Variants in TRPS1 observed in about 807,000 individuals in gnomAD.
The protein encoded by TRPS1 is zinc finger transcription factor Trps1.
Under a neutral mutation model 101.2 loss-of-function variants are expected in TRPS1, and 6 were observed. That is an observed-to-expected ratio of 0.06 (90% CI 0.03 to 0.12). The LOEUF (loss-of-function observed/expected upper bound fraction) is 0.12. Among genes scored for constraint, TRPS1 ranks in the 10% least tolerant of loss-of-function variants. The pLI is 1.00. For synonymous variants in TRPS1, 578 were observed against 589.8 expected (o/e 0.98, Z 0.29); for missense variants, 1,363 against 1,567.0 (o/e 0.87, Z 2.20).
intron 5 of TRPS1, among the ~76,000 whole-genome samples, chr8:115,557,028 C>T (rs1229784061): frequency 6.6e-6 from 1 of 152,068 alleles, no homozygotes; most frequent in African/African-American, 2.4e-5. Flanking sequence ...AGAGGCCTCA[C>T]AATCAAGGTG....
At chr8:115,475,893 T>C (rs932942803) in intron 5 of TRPS1, among the ~76,000 whole-genome samples, 14 of 152,048 alleles carry the variant, frequency 9.2e-5, no homozygotes, top group Non-Finnish European at 1.9e-4. Context: ...TTCAATAAAC[T>C]TGAAGCACAG....
At chr8:115,627,168 G>A (rs1004485435) in intron 1 of TRPS1, among the ~76,000 whole-genome samples, 4 of 151,788 alleles carry the variant, frequency 2.6e-5, no homozygotes, top group South Asian at 2.1e-4. Flanking sequence ...AGCCTCAAAA[G>A]GCAAGGGGAA....
At chr8:115,549,998 C>A (rs1161721723) in intron 5 of TRPS1, among the ~76,000 whole-genome samples, 1 of 152,124 alleles carries the variant, frequency 6.6e-6, no homozygotes, top group East Asian at 1.9e-4. Context: ...GGTGGATCAC[C>A]TGAGGTCAGG....
intron 5 of TRPS1, among the ~76,000 whole-genome samples, chr8:115,420,211 T>C (rs1007304206): frequency 1.3e-5 from 2 of 152,254 alleles, no homozygotes; most frequent in East Asian, 1.9e-4. Context: ...CTCAATAACA[T>C]TGCAATAGCA....
In TRPS1 at chr8:115,414,252, T is replaced by C. The variant is rs1158784704; in HGVS notation, c.3656A>G (p.Asp1219Gly). 1.2e-6 allele frequency: 2 copies of C among 1,614,048 alleles called. No homozygotes were observed. Among genetic ancestry groups the C allele is most frequent in the Non-Finnish European group, 1.7e-6 (2 of 1,179,956 alleles). The change falls in exon 7 of 7, where the codon GAT (aspartate) becomes GGT (glycine). Residue 1219 changes from aspartate (D) to glycine (G), a missense_variant. By Grantham distance (94) the Asp-to-Gly change is moderately conservative (BLOSUM62 -1). Transcript: ENST00000395715. This position sits in a 1 kb window ranked among gnomAD's most constrained non-coding sequence, Gnocchi z 4.8. ...PLNVVKTEKV[D>G]RSTQDELSTK... Reference sequence around the variant, plus strand: ...TGAAAGTTCATCTTGAGTACTTCTATCAACTTTCTCTGTTTTTACTACATT... The same window carrying C: ...TGAAAGTTCATCTTGAGTACTTCTACCAACTTTCTCTGTTTTTACTACATT...
At position 115,460,778 on chromosome 8, in the gene TRPS1, C is replaced by T. The variant is rs74598754; in HGVS notation, c.2701-42326G>A. On this transcript the variant is annotated intron_variant, in intron 5 of 6. Transcript: ENST00000395715. ...CGACTAACCAAACTTTCCTCCTTGC[C>T]AAAACCTTTGTAGCATGCATTCATT... Among the ~76,000 whole-genome samples, 589 of 152,236 alleles carry T rather than the reference C, an allele frequency of 3.9e-3. 1 individual carries two copies. The highest frequency in any genetic ancestry group is 6.0e-3 in the Non-Finnish European group (406 of 67,992).
chr8:115,637,139 C>T, intron 1 of TRPS1: 2 of 562,010 alleles, frequency 3.6e-6, no homozygotes, highest in Non-Finnish European at 4.5e-6. Flanking sequence ...AAAGGGGATT[C>T]CAGCAAACAG....
chr8:115,525,897 A>T (rs181776155), intron 5 of TRPS1, among the ~76,000 whole-genome samples: 119 of 152,328 alleles, frequency 7.8e-4, no homozygotes, highest in African/African-American at 2.7e-3. Context: ...CAATGGAAAT[A>T]ATTTAAAAGA....
At chr8:115,539,082 A>C (rs1816390364) in intron 5 of TRPS1, among the ~76,000 whole-genome samples, 1 of 152,158 alleles carries the variant, frequency 6.6e-6, no homozygotes, top group Admixed American at 6.6e-5. Flanking sequence ...TGTAAAAACA[A>C]CTCTACTTCC....
chr8:115,498,415 C>CTCTCTCTATA (rs1486361297), intron 5 of TRPS1, among the ~76,000 whole-genome samples: 21 of 39,312 alleles, frequency 5.3e-4, no homozygotes, highest in Non-Finnish European at 6.2e-4. Flanking sequence ...CTCTCTCTCT[C>CTCTCTCTATA]TATATATATA....
At chr8:115,628,972 G>A (rs1328055798) in intron 1 of TRPS1, among the ~76,000 whole-genome samples, 2 of 151,846 alleles carry the variant, frequency 1.3e-5, no homozygotes, top group African/African-American at 4.8e-5. Context: ...TGGAGAGGGT[G>A]ACGTGTGTCC....
chr8:115,623,578 A>G, intron 2 of TRPS1, 23 bp downstream of exon 2: 1 of 1,611,320 alleles, frequency 6.2e-7, no homozygotes, highest in South Asian at 1.1e-5. Context: ...TAACATTTTC[A>G]CTTGAAAAAA....
chr8:115,466,907 T>TA (rs901436642), intron 5 of TRPS1, among the ~76,000 whole-genome samples: 125 of 146,022 alleles, frequency 8.6e-4, no homozygotes, highest in Admixed American at 8.9e-4. Context: ...ATTTTGCCAT[T>TA]AAAAAAAAAA....
chr8:115,551,825 A>G (rs1816712406), intron 5 of TRPS1, among the ~76,000 whole-genome samples: 1 of 152,234 alleles, frequency 6.6e-6, no homozygotes, highest in African/African-American at 2.4e-5. Flanking sequence ...ATTGGGGAGA[A>G]TACATTTGCA....
chr8:115,620,783 T>C (rs1004256892), intron 2 of TRPS1, among the ~76,000 whole-genome samples: 1 of 152,222 alleles, frequency 6.6e-6, no homozygotes, highest in Non-Finnish European at 1.5e-5. Flanking sequence ...AGACCTGCTA[T>C]GCATCACAGT....
At chr8:115,498,401 CTCTCTCTCTCTCTCTATATATATA>C (rs1474555757) in intron 5 of TRPS1, among the ~76,000 whole-genome samples, 33 of 85,436 alleles carry the variant, frequency 3.9e-4, no homozygotes, top group South Asian at 1.4e-3. Context: ...CTCTCTCTCT[CTCTCTCTCTCTCTCTATATATATA>C]TATATATATA....
At chr8:115,526,163 G>A (rs571547261) in intron 5 of TRPS1, among the ~76,000 whole-genome samples, 1 of 152,088 alleles carries the variant, frequency 6.6e-6, no homozygotes, top group African/African-American at 2.4e-5. Context: ...ACAAAAATTA[G>A]TCAGGTGTGG....
chr8:115,578,801 C>T (rs1315936425), intron 5 of TRPS1, among the ~76,000 whole-genome samples: 1 of 152,120 alleles, frequency 6.6e-6, no homozygotes, highest in African/African-American at 2.4e-5. Context: ...TTATCCAACT[C>T]TTTCGCAATA....
chr8:115,626,550 C>A (rs1236658051), intron 1 of TRPS1, among the ~76,000 whole-genome samples: 1 of 151,762 alleles, frequency 6.6e-6, no homozygotes, highest in African/African-American at 2.4e-5. Flanking sequence ...TTAATTTGCT[C>A]TCTCTGAATT....
Sources: gnomAD v4.1 joint callset for allele counts (sites outside exome capture counted in the v4.1 genomes callset) on GRCh38, gnomAD v4.1.1 for gene constraint, Gnocchi (gnomAD v3.1) non-coding constraint, MANE v1.5 for transcripts, NCBI Gene and HGNC (gene_info 2026-07-23, HGNC 2026-07-21) for gene names.